Variants in PCDH15 observed in about 807,000 individuals in gnomAD.
PCDH15 encodes protocadherin-15.
In PCDH15, 129 loss-of-function variants were observed where a neutral mutation model predicts 178.5. That is an observed-to-expected ratio of 0.72 (90% CI 0.63 to 0.84). The LOEUF (loss-of-function observed/expected upper bound fraction) is 0.84. PCDH15 is among the 40% of genes least tolerant of loss of function. The probability of loss-of-function intolerance (pLI) is 0.00; values close to 1 mark genes in which losing one functional copy is unlikely to be tolerated. For missense variants in PCDH15, 2,230 were observed against 2,099.9 expected (o/e 1.06, Z -1.21); for synonymous variants, 800 against 732.0 (o/e 1.09, Z -1.50).
intron 3 of PCDH15, among the ~76,000 whole-genome samples, chr10:54,876,030 G>C (rs1281576131): frequency 6.6e-6 from 1 of 152,016 alleles, no homozygotes; most frequent in Non-Finnish European, 1.5e-5. Context: ...CAAAAAATAG[G>C]CTAACTCCCT....
chr10:54,003,524 T>A (rs2092261610), intron 20 of PCDH15, among the ~76,000 whole-genome samples: 1 of 151,482 alleles, frequency 6.6e-6, no homozygotes. Flanking sequence ...ACAAATAAAT[T>A]CCTAGACACA....
chr10:54,001,515 T>C (rs1389367328), intron 20 of PCDH15, among the ~76,000 whole-genome samples: 1 of 152,024 alleles, frequency 6.6e-6, no homozygotes, highest in East Asian at 1.9e-4. Flanking sequence ...AAATAAAGGG[T>C]TGTATGATAG....
chr10:54,600,734 T>C, intron 2 of PCDH15: 1 of 515,630 alleles, frequency 1.9e-6, no homozygotes, highest in Non-Finnish European at 3.7e-6. Context: ...TCAAAATGCA[T>C]GTGATTGACA....
At chr10:54,184,486 C>T (rs1238993794) in intron 12 of PCDH15, among the ~76,000 whole-genome samples, 1 of 151,942 alleles carries the variant, frequency 6.6e-6, no homozygotes, top group South Asian at 2.1e-4. Context: ...TTCCCTATCT[C>T]ATGATAAATA....
At chr10:53,946,448 A>C (rs2086581751) in intron 23 of PCDH15, among the ~76,000 whole-genome samples, 2 of 152,180 alleles carry the variant, frequency 1.3e-5, no homozygotes, top group Non-Finnish European at 2.9e-5. Flanking sequence ...CTATATGTTT[A>C]ACTTTTCTAG....
intron 1 of PCDH15, among the ~76,000 whole-genome samples, chr10:55,255,650 T>C (rs1841976812): frequency 6.6e-6 from 1 of 152,186 alleles, no homozygotes; most frequent in East Asian, 1.9e-4. Context: ...CCATTCTAAC[T>C]GGTGTGAGAT....
At chr10:54,323,431 C>T (rs2061732482) in intron 7 of PCDH15, among the ~76,000 whole-genome samples, 1 of 152,118 alleles carries the variant, frequency 6.6e-6, no homozygotes, top group South Asian at 2.1e-4. Context: ...AATTGCCATG[C>T]TATTCACAAT....
intron 2 of PCDH15, chr10:54,585,547 G>A (rs2091392805): frequency 4.3e-6 from 1 of 232,762 alleles, no homozygotes; most frequent in Non-Finnish European, 9.2e-6. Context: ...CATAGCTGTA[G>A]GCTAACCAAT....
chr10:55,290,258 ATG>A (rs1842975089), intron 1 of PCDH15, among the ~76,000 whole-genome samples: 1 of 151,906 alleles, frequency 6.6e-6, no homozygotes, highest in South Asian at 2.1e-4. Context: ...ATGTCTATAA[ATG>A]TGTATATTCC....
chr10:55,404,164 G>A (rs1838142064), intron 2 of PCDH15, among the ~76,000 whole-genome samples: 1 of 151,942 alleles, frequency 6.6e-6, no homozygotes, highest in Admixed American at 6.6e-5. Context: ...GAATATCTAG[G>A]AAGAGCTATC....
At chr10:54,157,268 T>G (rs1241259016) in intron 13 of PCDH15, among the ~76,000 whole-genome samples, 2 of 152,196 alleles carry the variant, frequency 1.3e-5, no homozygotes, top group African/African-American at 4.8e-5. Flanking sequence ...CTCAGCAAAC[T>G]TTTGTCTGGG....
chr10:55,467,373 C>CTTT lies in PCDH15; in HGVS notation c.-156+160249_-156+160251dup, dbSNP rs59787759. Reference sequence around the variant, plus strand: ...AAAGAAAAGCCTGATCTTGGCCTGACTTTTTTTTTTTTTTTTTTTTAACTA... The same window carrying CTTT: ...AAAGAAAAGCCTGATCTTGGCCTGACTTTTTTTTTTTTTTTTTTTTTTTAACTA... On this transcript the variant is annotated intron_variant, in intron 2 of 5. Transcript: ENST00000613346. 1.1e-4 allele frequency among the ~76,000 whole-genome samples: 10 copies of CTTT among 87,784 alleles called. 1 individual carries two copies. The highest frequency in any genetic ancestry group is 3.0e-4 in the African/African-American group (8 of 26,486). 57.6% of individuals were successfully genotyped at this position (87,784 alleles called of 152,430 possible). A position where few individuals can be genotyped will look rare whatever the true frequency, so the allele number is the denominator to read the frequency against.
At chr10:53,981,652 T>A (rs11003965) in intron 21 of PCDH15, among the ~76,000 whole-genome samples, 5,870 of 149,616 alleles carry the variant, frequency 0.039, 139 homozygotes, top group East Asian at 0.11. Context: ...TCCTTACACC[T>A]TATACAAAAA....
rs1953594624 is a variant in PCDH15 at position 54,850,316 on chromosome 10, G to A, written c.-29+47134C>T. On this transcript the variant is annotated intron_variant, in intron 3 of 5. Coordinates refer to the PCDH15 transcript ENST00000458638. ...TATTTTTTATTTCCATAGAATTTGT[G>A]GGAACAGGTGGTATTTTGTTACACG... 2.6e-5 allele frequency among the ~76,000 whole-genome samples: 4 copies of A among 152,078 alleles called. No homozygotes were observed. In the South Asian group the frequency reaches 8.3e-4, roughly 32 times the overall value.
Position 54,611,617 on chromosome 10 carries a change from T to A in PCDH15, c.91+52555A>T, listed in dbSNP as rs992321176. On this transcript the variant is annotated intron_variant, in intron 2 of 37. Transcript: ENST00000644397. ...CCCTTTTGCACAGTGACAGAACATA[T>A]GAGGCAGCTACATATCTAGAGAGAC... is the stretch of plus-strand genomic sequence containing the variant. Among the ~76,000 whole-genome samples the A allele has an allele frequency of 2.0e-5, 3 of 151,828 alleles. No homozygotes were observed. In the South Asian group the frequency reaches 6.2e-4, roughly 31 times the overall value.
chr10:55,429,862 G>A (rs1338618086), intron 2 of PCDH15, among the ~76,000 whole-genome samples: 1 of 152,086 alleles, frequency 6.6e-6, no homozygotes, highest in East Asian at 1.9e-4. Context: ...ACACAACAGT[G>A]TAAGTTTTCT....
chr10:53,856,823 T>C (rs2078777964), intron 28 of PCDH15, among the ~76,000 whole-genome samples: 1 of 152,128 alleles, frequency 6.6e-6, no homozygotes, highest in Non-Finnish European at 1.5e-5. Context: ...TTGTAATGAT[T>C]AAAATGACCC....
intron 5 of PCDH15, among the ~76,000 whole-genome samples, chr10:54,353,912 T>C (rs1944553988): frequency 6.6e-6 from 1 of 152,168 alleles, no homozygotes; most frequent in Non-Finnish European, 1.5e-5. Flanking sequence ...GATAAATAAC[T>C]CTATCTTTAC....
intron 1 of PCDH15, among the ~76,000 whole-genome samples, chr10:54,760,257 T>C (rs1310398904): frequency 6.6e-6 from 1 of 151,942 alleles, no homozygotes; most frequent in Non-Finnish European, 1.5e-5. Flanking sequence ...AGCAGATAAC[T>C]GACCACATTT....
Sources: gnomAD v4.1 joint callset for allele counts (sites outside exome capture counted in the v4.1 genomes callset) on GRCh38, gnomAD v4.1.1 for gene constraint, MANE v1.5 for transcripts, NCBI Gene and HGNC (gene_info 2026-07-23, HGNC 2026-07-21) for gene names.